Variants in RAD51AP2 observed in about 807,000 individuals in gnomAD.
The protein encoded by RAD51AP2 is RAD51 associated protein 2, also known as RAD51-associated protein 2.
In RAD51AP2, 67 loss-of-function variants were observed where a neutral mutation model predicts 85.5. The ratio of observed to expected loss-of-function variants is 0.78; its 90% confidence interval spans 0.64 to 0.96. The LOEUF (loss-of-function observed/expected upper bound fraction) is 0.96, where lower values mean the gene tolerates loss of function less well. RAD51AP2 is among the 40% of genes least tolerant of loss of function. The pLI, the probability that RAD51AP2 is intolerant of heterozygous loss-of-function variation, is 0.00. For synonymous variants in RAD51AP2, 474 were observed against 446.5 expected, an observed-to-expected ratio of 1.06 and a Z score of -0.78; for missense variants, 1,307 against 1,332.4, an observed-to-expected ratio of 0.98 and a Z score of 0.30.
At chr2:17,536,769 G>C in the RAD51AP2 span, among the ~76,000 whole-genome samples, 1 of 152,272 alleles carries the variant, frequency 6.6e-6, no homozygotes, top group South Asian at 2.1e-4. Flanking sequence ...ATTAAAACTA[G>C]AATTTTTATT....
chr2:17,512,374 C>A (rs1333138663), intron 2 of RAD51AP2, among the ~76,000 whole-genome samples: 1 of 152,186 alleles, frequency 6.6e-6, no homozygotes, highest in Non-Finnish European at 1.5e-5. Flanking sequence ...TTTTAACAAG[C>A]CTCAGGATGA....
At chr2:17,512,429 A>G (rs1011373528) in intron 2 of RAD51AP2, among the ~76,000 whole-genome samples, 1 of 152,228 alleles carries the variant, frequency 6.6e-6, no homozygotes, top group South Asian at 2.1e-4. Context: ...ACTTCCTAAC[A>G]TAGTATTAAA....
the RAD51AP2 span, among the ~76,000 whole-genome samples, chr2:17,529,623 T>A: frequency 6.6e-6 from 1 of 152,196 alleles, no homozygotes; most frequent in African/African-American, 2.4e-5. Context: ...TATCATTAGA[T>A]ACTAAAATCT....
At position 17,516,933 on chromosome 2, in the gene RAD51AP2, T is replaced by A; in HGVS notation, c.1483A>T (p.Thr495Ser). 6.3e-7 allele frequency: 1 copy of A among 1,598,956 alleles called. No homozygotes were observed. Among genetic ancestry groups the A allele is most frequent in the Non-Finnish European group, 8.5e-7 (1 of 1,174,924 alleles). ...NDNTLQLRYN[T>S]TQKVFHVNNP... ...TTCACATGAAAGACTTTTTGTGTAG[T>A]ATTGTATCTCAACTGTAGAGTATTA... The change falls in exon 1 of 3, where the codon ACT (threonine) becomes TCT (serine). Residue 495 changes from threonine to serine, a missense_variant. Thr to Ser is a moderately conservative substitution (Grantham distance 58). Coordinates refer to ENST00000399080, the MANE Select transcript of RAD51AP2 (RefSeq NM_001099218.3).
rs777369019 is a variant in RAD51AP2 at position 17,515,506 on chromosome 2, T to C, written c.2910A>G (p.Leu970=). The C allele has an allele frequency of 6.2e-7, 1 of 1,612,810 alleles. No individual in the cohort carries two copies. Among genetic ancestry groups the C allele is most frequent in the Non-Finnish European group, 8.5e-7 (1 of 1,179,616 alleles). ...KDFEMKRKFD[L]VLEELRMFHE... ...GAAACATACGAAGTTCTTCAAGTAC[T>C]AAGTCAAATTTTCTCTTCATCTCAA... The change falls in exon 1 of 3, where the codon TTA becomes TTG. Residue 970 remains leucine, a synonymous_variant. Transcript: ENST00000399080.
chr2:17,521,898 A>T (rs1167231054), upstream of RAD51AP2, among the ~76,000 whole-genome samples: 1 of 151,904 alleles, frequency 6.6e-6, no homozygotes. Context: ...CCCAAAATGC[A>T]TCCCCTACAT....
At chr2:17,532,213 A>G in the RAD51AP2 span, among the ~76,000 whole-genome samples, 1 of 152,312 alleles carries the variant, frequency 6.6e-6, no homozygotes, top group East Asian at 1.9e-4. Context: ...GGAAGCTTAA[A>G]ACAACAAAAA....
upstream of RAD51AP2, among the ~76,000 whole-genome samples, chr2:17,522,877 T>C (rs1662886053): frequency 6.6e-6 from 1 of 151,990 alleles, no homozygotes; most frequent in South Asian, 2.1e-4. Flanking sequence ...AGCTATCTTT[T>C]ACTTAAAATT....
At chr2:17,525,864 T>G in the RAD51AP2 span, among the ~76,000 whole-genome samples, 3 of 152,034 alleles carry the variant, frequency 2.0e-5, no homozygotes, top group Non-Finnish European at 2.9e-5. Flanking sequence ...CAATGCCTTC[T>G]TCAAGAAACA....
At chr2:17,529,911 T>C in the RAD51AP2 span, among the ~76,000 whole-genome samples, 6 of 152,262 alleles carry the variant, frequency 3.9e-5, no homozygotes, top group East Asian at 1.9e-4. Context: ...AAACTACAGG[T>C]TGGGGGATCA....
At chr2:17,532,669 T>C in the RAD51AP2 span, among the ~76,000 whole-genome samples, 24 of 152,102 alleles carry the variant, frequency 1.6e-4, no homozygotes, top group African/African-American at 5.6e-4. Context: ...TCCAAAAATA[T>C]CTACTACAGA....
rs769046044 is a variant in RAD51AP2 at position 17,515,908 on chromosome 2, T to A, written c.2508A>T (p.Glu836Asp). The A allele has an allele frequency of 6.2e-7, 1 of 1,603,978 alleles. No homozygotes were observed. The highest frequency in any genetic ancestry group is 8.5e-7 in the Non-Finnish European group (1 of 1,177,382). Residue 836 changes from glutamate (E) to aspartate (D), a missense_variant, in exon 1 of 3, where the codon GAA becomes GAT. By Grantham distance (45) the Glu-to-Asp change is conservative (BLOSUM62 2). Transcript: ENST00000399080. ...EKKYDLILKE[E>D]VKVTAESLTN... ...TTAAACTTTCAGCTGTGACTTTTAC[T>A]TCCTCTTTCAAAATTAAGTCATATT...
At chr2:17,529,333 T>G in the RAD51AP2 span, among the ~76,000 whole-genome samples, 1 of 151,984 alleles carries the variant, frequency 6.6e-6, no homozygotes, top group Non-Finnish European at 1.5e-5. Flanking sequence ...CTACTGTTTT[T>G]GGTTCTGTAA....
rs374703844 is a variant in RAD51AP2, at chr2:17,517,029, C to G, written c.1387G>C (p.Val463Leu). 2 of 1,604,658 alleles carry G rather than the reference C, an allele frequency of 1.2e-6. No homozygotes were observed. The highest frequency in any genetic ancestry group is 1.3e-5 in the African/African-American group (1 of 74,366). ...NAYEEQSKLL[V>L]REILGSQTAL... is the part of the protein sequence containing the mutation. ...GTCTGACTACCTAATATTTCTCTTA[C>G]GAGAAGCTTTGATTGTTCTTCATAT... Residue 463 changes from valine (V) to leucine (L), a missense_variant, in exon 1 of 3, where the codon GTA (valine) becomes CTA (leucine). This residue lies in a region of RAD51AP2 where 635 missense variants were observed against 643.6 expected (regional missense o/e 0.99). Transcript: ENST00000399080.
intron 1 of RAD51AP2, 84 bp downstream of exon 1, chr2:17,515,085 G>T: frequency 1.8e-6 from 2 of 1,092,030 alleles, no homozygotes; most frequent in Non-Finnish European, 2.5e-6. Context: ...CTTCTTTGTT[G>T]TCAAAATTAT....
the RAD51AP2 span, among the ~76,000 whole-genome samples, chr2:17,532,861 G>T: frequency 6.6e-6 from 1 of 152,090 alleles, no homozygotes; most frequent in East Asian, 1.9e-4. Context: ...TATTATTTTT[G>T]TTATTAACAG....
Position 17,516,206 on chromosome 2 carries a change from G to A in RAD51AP2, c.2210C>T (p.Ser737Phe). The A allele has an allele frequency of 6.2e-7, 1 of 1,613,188 alleles. No individual in the cohort carries two copies. The highest frequency in any genetic ancestry group is 8.5e-7 in the Non-Finnish European group (1 of 1,179,628). ...NSSTVKAHGN[S>F]CPQFIQNNRG... Reference sequence around the variant, plus strand: ...GTTGTTCTGTATAAATTGAGGACAAGAATTACCATGTGCTTTAACAGTACT... The same window carrying A: ...GTTGTTCTGTATAAATTGAGGACAAAAATTACCATGTGCTTTAACAGTACT... Residue 737 changes from serine to phenylalanine, a missense_variant, in exon 1 of 3, where the codon TCT (serine) becomes TTT (phenylalanine). Coordinates refer to ENST00000399080, the MANE Select transcript of RAD51AP2 (RefSeq NM_001099218.3).
Position 17,510,970 on chromosome 2 carries a change from C to T in RAD51AP2, c.3329-15G>A. On this transcript the variant is annotated splice_polypyrimidine_tract_variant and intron_variant, in intron 2 of 2. Transcript: ENST00000399080. ...AAAGTGACTACCTAAAAATATAAGA[C>T]AATAAAAGTAAAAATTATCAATAGT... 2 of 1,554,718 alleles carry T rather than the reference C, an allele frequency of 1.3e-6. No individual in the cohort carries two copies. The highest frequency in any genetic ancestry group is 1.7e-6 in the Non-Finnish European group (2 of 1,151,210).
At position 17,518,339 on chromosome 2, in the gene RAD51AP2, G is replaced by C. The variant is rs1558267861; in HGVS notation, c.77C>G (p.Pro26Arg). 6.2e-7 allele frequency: 1 copy of C among 1,614,060 alleles called. No homozygotes were observed. Among genetic ancestry groups the C allele is most frequent in the Non-Finnish European group, 8.5e-7 (1 of 1,180,016 alleles). The change falls in exon 1 of 3, where the codon CCG becomes CGG. Residue 26 changes from proline (P) to arginine (R), a missense_variant. Physicochemically the swap from Pro to Arg is moderately radical, Grantham distance 103 (BLOSUM62 -2). Transcript: ENST00000399080. ...PTSSLTPPEDPDSQPPSSKRL... is the reference protein window; with the variant it reads ...PTSSLTPPEDRDSQPPSSKRL... Reference sequence around the variant, plus strand: ...CTTGCTACTAGGTGGTTGGGAATCCGGGTCCTCAGGAGGCGTTAAAGAGGA... The same window carrying C: ...CTTGCTACTAGGTGGTTGGGAATCCCGGTCCTCAGGAGGCGTTAAAGAGGA...
Sources: gnomAD v4.1 joint callset for allele counts (sites outside exome capture counted in the v4.1 genomes callset) on GRCh38, gnomAD v4.1.1 for gene constraint, gnomAD v4.1.1 regional missense constraint, MANE v1.5 for transcripts, NCBI Gene and HGNC (gene_info 2026-07-23, HGNC 2026-07-21) for gene names.